Variants in OR5F1 observed in about 807,000 individuals in gnomAD.
OR5F1 encodes olfactory receptor 5F1.
For synonymous variants in OR5F1, 185 were observed against 153.2 expected, an observed-to-expected ratio of 1.21 and a Z score of -1.53; for missense variants, 429 against 369.9, an observed-to-expected ratio of 1.16 and a Z score of -1.31.
At position 55,994,382 on chromosome 11, in the gene OR5F1, G is replaced by A. The variant is rs1168491616; in HGVS notation, c.244C>T (p.Leu82=). The part of the protein sequence containing the change: ...CNSTTITPKM[L]ADLLSEKKTI... Reference sequence around the variant, plus strand: ...TTCTTCTCTGATAATAAATCTGCCAGCATCTTTGGGGTGATGGTAGTTGAG... The same window carrying A: ...TTCTTCTCTGATAATAAATCTGCCAACATCTTTGGGGTGATGGTAGTTGAG... Residue 82 remains leucine, a synonymous_variant, in exon 1 of 1, where the codon CTG becomes TTG. Coordinates refer to ENST00000278409, the MANE Select transcript of OR5F1 (RefSeq NM_003697.1). The A allele has an allele frequency of 1.2e-6, 2 of 1,613,670 alleles. No homozygotes were observed. The highest frequency in any genetic ancestry group is 2.7e-5 in the African/African-American group (2 of 74,810).
Position 55,993,928 on chromosome 11 carries a change from C to T in OR5F1, c.698G>A (p.Gly233Glu), listed in dbSNP as rs761091699. 3.7e-6 allele frequency: 6 copies of T among 1,613,736 alleles called. No individual in the cohort carries two copies. Among genetic ancestry groups the T allele is most frequent in the Non-Finnish European group, 5.1e-6 (6 of 1,179,920 alleles). ...ACACGTGGAGAAAGCTCTGTGCCTC[C>T]CCTCCCCCGAATGCATAGAAAAAAT... ...FSIFSMHSGEGRHRAFSTCAS... is the reference protein window; with the variant it reads ...FSIFSMHSGEERHRAFSTCAS... Residue 233 changes from glycine to glutamate, a missense_variant, in exon 1 of 1, where the codon GGG becomes GAG. Coordinates refer to ENST00000278409, the MANE Select transcript of OR5F1 (RefSeq NM_003697.1).
chr11:55,994,383 C>T lies in OR5F1; in HGVS notation c.243G>A (p.Met81Ile). The T allele has an allele frequency of 6.2e-7, 1 of 1,613,868 alleles. No individual in the cohort carries two copies. Among genetic ancestry groups the T allele is most frequent in the Non-Finnish European group, 8.5e-7 (1 of 1,179,952 alleles). The change falls in exon 1 of 1, where the codon ATG (methionine) becomes ATA (isoleucine). Residue 81 changes from methionine (M) to isoleucine (I), a missense_variant. By Grantham distance (10) the Met-to-Ile change is conservative. Transcript: ENST00000278409. ...VCNSTTITPKMLADLLSEKKT... is the reference protein window; with the variant it reads ...VCNSTTITPKILADLLSEKKT... ...TCTTCTCTGATAATAAATCTGCCAG[C>T]ATCTTTGGGGTGATGGTAGTTGAGT... is the stretch of plus-strand genomic sequence containing the variant.
rs1565015313 is a variant in OR5F1 at position 55,993,706 on chromosome 11, CTG to C, written c.918_919del (p.Ser306ArgfsTer?). The stretch of plus-strand genomic sequence containing the variant: ...TCACAGAAAGGAAGAGGTCCTTTTC[CTG>C]CTAATTACATTCGCTAAAGCCTTCT... On this transcript the variant is annotated frameshift_variant, in exon 1 of 1. Transcript: ENST00000278409. LOFTEE classifies it low-confidence loss of function (END_TRUNC). 3 of 1,581,336 alleles carry C rather than the reference CTG, an allele frequency of 1.9e-6. 1 individual carries two copies. In the South Asian group the frequency reaches 3.5e-5, roughly 18 times the overall value.
Position 55,993,761 on chromosome 11 carries a change from T to C in OR5F1, c.865A>G (p.Ile289Val). ...TVVIPMLNPLIYSLRSKEVKK... is the reference protein window; with the variant it reads ...TVVIPMLNPLVYSLRSKEVKK... ...ACTTCCTTACTCCTGAGGCTGTAGA[T>C]CAGAGGATTCAACATGGGAATCACC... is the stretch of plus-strand genomic sequence containing the variant. The change falls in exon 1 of 1, where the codon ATC becomes GTC. Residue 289 changes from isoleucine to valine, a missense_variant. By Grantham distance (29) the Ile-to-Val change is conservative. Transcript: ENST00000278409. The C allele has an allele frequency of 6.2e-7, 1 of 1,611,794 alleles. No homozygotes were observed. Among genetic ancestry groups the C allele is most frequent in the Non-Finnish European group, 8.5e-7 (1 of 1,178,168 alleles).
chr11:55,994,606 G>A lies in OR5F1; in HGVS notation c.20C>T (p.Thr7Ile). 1 of 1,522,826 alleles carries A rather than the reference G, an allele frequency of 6.6e-7. No individual in the cohort carries two copies. The highest frequency in any genetic ancestry group is 2.3e-5 in the East Asian group (1 of 43,206). 94.3% of individuals were successfully genotyped at this position (1,522,826 alleles called of 1,614,324 possible). A position where few individuals can be genotyped will look rare whatever the true frequency, so the allele number is the denominator to read the frequency against. The change falls in exon 1 of 1, where the codon ACC becomes ATC. Residue 7 changes from threonine (T) to isoleucine (I), a missense_variant. Coordinates refer to ENST00000278409, the MANE Select transcript of OR5F1 (RefSeq NM_003697.1). MTRKNY[T>I]SLTEFVLLGL... ...CAATAGGACGAACTCAGTCAGTGAG[G>A]TATAATTTTTTCTGGTCATTTATGA...
Position 55,994,611 on chromosome 11 carries a change from A to AT in OR5F1, c.14dup (p.Asn5LysfsTer7). On this transcript the variant is annotated frameshift_variant, in exon 1 of 1. Transcript: ENST00000278409. LOFTEE classifies it low-confidence loss of function (END_TRUNC). ...GGACGAACTCAGTCAGTGAGGTATA[A>AT]TTTTTTCTGGTCATTTATGAGAAAT... 1.3e-6 allele frequency: 2 copies of AT among 1,510,208 alleles called. No homozygotes were observed. Among genetic ancestry groups the AT allele is most frequent in the Non-Finnish European group, 1.8e-6 (2 of 1,125,044 alleles). 93.6% of individuals were successfully genotyped at this position (1,510,208 alleles called of 1,614,324 possible). A position where few individuals can be genotyped will look rare whatever the true frequency, so the allele number is the denominator to read the frequency against.
chr11:55,994,411 C>A lies in OR5F1; in HGVS notation c.215G>T (p.Cys72Phe), dbSNP rs148302675. 6.2e-7 allele frequency: 1 copy of A among 1,613,692 alleles called. No homozygotes were observed. The highest frequency in any genetic ancestry group is 2.2e-5 in the East Asian group (1 of 44,874). The change falls in exon 1 of 1, where the codon TGT (cysteine) becomes TTT (phenylalanine). Residue 72 changes from cysteine (C) to phenylalanine (F), a missense_variant. Physicochemically the swap from Cys to Phe is radical, Grantham distance 205. Coordinates refer to ENST00000278409, the MANE Select transcript of OR5F1 (RefSeq NM_003697.1). ...FLANLSFVDV[C>F]NSTTITPKML... ...CTTTGGGGTGATGGTAGTTGAGTTA[C>A]AAACGTCCACAAAGGACAGGTTAGC...
Position 55,994,499 on chromosome 11 carries a change from G to T in OR5F1, c.127C>A (p.Leu43Ile), listed in dbSNP as rs372205796. ...ATCCTGATTAAGAGGATCATCCCGAGATTTCCCAGTACTGTAAGTGTATAA... is the reference window on the plus strand; with the variant it reads ...ATCCTGATTAAGAGGATCATCCCGATATTTCCCAGTACTGTAAGTGTATAA... Reference protein sequence around the residue: ...VIYTLTVLGNLGMILLIRIDS... With the variant: ...VIYTLTVLGNIGMILLIRIDS... Residue 43 changes from leucine (L) to isoleucine (I), a missense_variant, in exon 1 of 1, where the codon CTC becomes ATC. Physicochemically the swap from Leu to Ile is conservative, Grantham distance 5. Coordinates refer to ENST00000278409, the MANE Select transcript of OR5F1 (RefSeq NM_003697.1). The T allele has an allele frequency of 2.2e-5, 36 of 1,613,548 alleles. 1 individual carries two copies. The highest frequency in any genetic ancestry group is 1.6e-4 in the South Asian group (15 of 91,086).
At position 55,994,402 on chromosome 11, in the gene OR5F1, G is replaced by A. The variant is rs1852999126; in HGVS notation, c.224C>T (p.Thr75Ile). The change falls in exon 1 of 1, where the codon ACT becomes ATT. Residue 75 changes from threonine to isoleucine, a missense_variant. Transcript: ENST00000278409. ...NLSFVDVCNS[T>I]TITPKMLADL... The stretch of plus-strand genomic sequence containing the variant: ...TGCCAGCATCTTTGGGGTGATGGTA[G>A]TTGAGTTACAAACGTCCACAAAGGA... 3.1e-6 allele frequency: 5 copies of A among 1,613,874 alleles called. No homozygotes were observed. The highest frequency in any genetic ancestry group is 3.4e-6 in the Non-Finnish European group (4 of 1,179,920).
chr11:55,993,956 A>T lies in OR5F1; in HGVS notation c.670T>A (p.Ser224Thr), dbSNP rs1359477648. The change falls in exon 1 of 1, where the codon TCC (serine) becomes ACC (threonine). Residue 224 changes from serine (S) to threonine (T), a missense_variant. Transcript: ENST00000278409. ...ILSSYSYVLF[S>T]IFSMHSGEGR... Reference sequence around the variant, plus strand: ...TCCCCCGAATGCATAGAAAAAATGGAGAAGAGAACGTAGGAGTAGGAGGAG... The same window carrying T: ...TCCCCCGAATGCATAGAAAAAATGGTGAAGAGAACGTAGGAGTAGGAGGAG... The T allele has an allele frequency of 1.9e-6, 3 of 1,613,822 alleles. No individual in the cohort carries two copies. The highest frequency in any genetic ancestry group is 2.5e-6 in the Non-Finnish European group (3 of 1,179,990).
rs561974760 is a variant in OR5F1, at chr11:55,993,916, G to A, written c.710C>T (p.Ala237Val). The A allele has an allele frequency of 3.1e-6, 5 of 1,613,724 alleles. No individual in the cohort carries two copies. The highest frequency in any genetic ancestry group is 1.1e-5 in the South Asian group (1 of 91,086). ...CAGGTGAGAGGCACACGTGGAGAAAGCTCTGTGCCTCCCCTCCCCCGAATG... is the reference window on the plus strand; with the variant it reads ...CAGGTGAGAGGCACACGTGGAGAAAACTCTGTGCCTCCCCTCCCCCGAATG... ...SMHSGEGRHR[A>V]FSTCASHLTA... The change falls in exon 1 of 1, where the codon GCT (alanine) becomes GTT (valine). Residue 237 changes from alanine (A) to valine (V), a missense_variant. Physicochemically the swap from Ala to Val is moderately conservative, Grantham distance 64. Transcript: ENST00000278409.
In OR5F1 at chr11:55,993,883, A is replaced by T. The variant is rs1261468487; in HGVS notation, c.743T>A (p.Ile248Lys). The T allele has an allele frequency of 1.2e-6, 2 of 1,613,916 alleles. No homozygotes were observed. The change falls in exon 1 of 1, where the codon ATA becomes AAA. Residue 248 changes from isoleucine (I) to lysine (K), a missense_variant. Transcript: ENST00000278409. Reference sequence around the variant, plus strand: ...GATGCAGGTGGCATAGAACAGAATTATGGCTGTCAGGTGAGAGGCACACGT... The same window carrying T: ...GATGCAGGTGGCATAGAACAGAATTTTGGCTGTCAGGTGAGAGGCACACGT... Reference protein sequence around the residue: ...FSTCASHLTAIILFYATCIYT... With the variant: ...FSTCASHLTAKILFYATCIYT...
chr11:55,994,004 C>A lies in OR5F1; in HGVS notation c.622G>T (p.Val208Leu). Residue 208 changes from valine (V) to leucine (L), a missense_variant, in exon 1 of 1, where the codon GTG (valine) becomes TTG (leucine). Transcript: ENST00000278409. ...ISSILAGVNI[V>L]GTLLVILSSY... ...GAGAGGATGACAAGCAGAGTCCCCACAATATTCACACCAGCCAAAATAGAA... is the reference window on the plus strand; with the variant it reads ...GAGAGGATGACAAGCAGAGTCCCCAAAATATTCACACCAGCCAAAATAGAA... 2 of 1,614,010 alleles carry A rather than the reference C, an allele frequency of 1.2e-6. No individual in the cohort carries two copies. The highest frequency in any genetic ancestry group is 8.5e-7 in the Non-Finnish European group (1 of 1,179,990).
Position 55,994,335 on chromosome 11 carries a change from G to A in OR5F1, c.291C>T (p.Cys97=). ...AGATAAAGAAGTACATCTGTAGGAA[G>A]CAGCCAGCAAAAGAGATGGTTTTCT... ...SEKKTISFAG[C]FLQMYFFISL... is the part of the protein sequence containing the mutation. The change falls in exon 1 of 1, where the codon TGC becomes TGT. Residue 97 remains cysteine, a synonymous_variant. Transcript: ENST00000278409. 2.5e-6 allele frequency: 4 copies of A among 1,613,982 alleles called. No individual in the cohort carries two copies. Among genetic ancestry groups the A allele is most frequent in the Non-Finnish European group, 3.4e-6 (4 of 1,179,972 alleles).
Position 55,993,904 on chromosome 11 carries a change from C to G in OR5F1, c.722G>C (p.Cys241Ser). ...AATTATGGCTGTCAGGTGAGAGGCA[C>G]ACGTGGAGAAAGCTCTGTGCCTCCC... ...GEGRHRAFST[C>S]ASHLTAIILF... The change falls in exon 1 of 1, where the codon TGT (cysteine) becomes TCT (serine). Residue 241 changes from cysteine to serine, a missense_variant. By Grantham distance (112) the Cys-to-Ser change is moderately radical. Coordinates refer to ENST00000278409, the MANE Select transcript of OR5F1 (RefSeq NM_003697.1). 3.7e-6 allele frequency: 6 copies of G among 1,613,830 alleles called. No individual in the cohort carries two copies. Among genetic ancestry groups the G allele is most frequent in the Non-Finnish European group, 5.1e-6 (6 of 1,179,962 alleles).
Position 55,994,186 on chromosome 11 carries a change from C to A in OR5F1, c.440G>T (p.Gly147Val), listed in dbSNP as rs950127511. The A allele has an allele frequency of 3.1e-6, 5 of 1,613,742 alleles. No individual in the cohort carries two copies. Among genetic ancestry groups the A allele is most frequent in the East Asian group, 2.2e-5 (1 of 44,872 alleles). The change falls in exon 1 of 1, where the codon GGG (glycine) becomes GTG (valine). Residue 147 changes from glycine (G) to valine (V), a missense_variant. Gly to Val is a moderately radical substitution (Grantham distance 109, BLOSUM62 -3). Transcript: ENST00000278409. ...SRTVYLKMAA[G>V]AFAAGLLNFM... ...GTTCAGCAACCCTGCAGCAAAAGCC[C>A]CGGCTGCCATTTTTAGGTAGACGGT...
At position 55,994,466 on chromosome 11, in the gene OR5F1, G is replaced by A. The variant is rs1302231079; in HGVS notation, c.160C>T (p.Gln54Ter). ...AAGAAATACATGGGTGTGTGAAGCT[G>A]GGAATCGATCCTGATTAAGAGGATC... ...GMILLIRIDSQLHTPMYFFLA... is the reference protein window; with the variant it reads ...GMILLIRIDS Residue 54 changes from glutamine (Q) to a stop codon, truncating the protein, a stop_gained, in exon 1 of 1, where the codon CAG becomes TAG. Coordinates refer to ENST00000278409, the MANE Select transcript of OR5F1 (RefSeq NM_003697.1). LOFTEE classifies it low-confidence loss of function (END_TRUNC). The A allele has an allele frequency of 6.2e-7, 1 of 1,613,830 alleles. No individual in the cohort carries two copies. Among genetic ancestry groups the A allele is most frequent in the Non-Finnish European group, 8.5e-7 (1 of 1,179,968 alleles).
In OR5F1 at chr11:55,993,962, G is replaced by T. The variant is rs2134649555; in HGVS notation, c.664C>A (p.Leu222Ile). Residue 222 changes from leucine (L) to isoleucine (I), a missense_variant, in exon 1 of 1, where the codon CTC becomes ATC. Coordinates refer to ENST00000278409, the MANE Select transcript of OR5F1 (RefSeq NM_003697.1). ...LVILSSYSYV[L>I]FSIFSMHSGE... Reference sequence around the variant, plus strand: ...GAATGCATAGAAAAAATGGAGAAGAGAACGTAGGAGTAGGAGGAGAGGATG... The same window carrying T: ...GAATGCATAGAAAAAATGGAGAAGATAACGTAGGAGTAGGAGGAGAGGATG... The T allele has an allele frequency of 6.2e-7, 1 of 1,613,934 alleles. No homozygotes were observed. The highest frequency in any genetic ancestry group is 1.1e-5 in the South Asian group (1 of 91,074).
At position 55,994,309 on chromosome 11, in the gene OR5F1, G is replaced by C. The variant is rs1852997614; in HGVS notation, c.317C>G (p.Ser106Cys). The C allele has an allele frequency of 6.2e-7, 1 of 1,613,840 alleles. No homozygotes were observed. The highest frequency in any genetic ancestry group is 1.3e-5 in the African/African-American group (1 of 74,790). The change falls in exon 1 of 1, where the codon TCC (serine) becomes TGC (cysteine). Residue 106 changes from serine to cysteine, a missense_variant. Ser to Cys is a moderately radical substitution (Grantham distance 112). Transcript: ENST00000278409. ...GCFLQMYFFISLATTECILFG... is the reference protein window; with the variant it reads ...GCFLQMYFFICLATTECILFG... ...GAGGATGCATTCGGTTGTCGCCAGG[G>C]AGATAAAGAAGTACATCTGTAGGAA...
Sources: gnomAD v4.1 joint callset for allele counts on GRCh38, gnomAD v4.1.1 for gene constraint, MANE v1.5 for transcripts, NCBI Gene and HGNC (gene_info 2026-07-23, HGNC 2026-07-21) for gene names.